CELF2: variants seen among roughly 807,000 people sequenced by gnomAD.
CELF2 encodes CUGBP Elav-like family member 2, also known as CUG triplet repeat RNA-binding protein 2.
In CELF2, 8 loss-of-function variants were observed where a neutral mutation model predicts 62.6. That is an observed-to-expected ratio of 0.13 (90% CI 0.07 to 0.23). The LOEUF (loss-of-function observed/expected upper bound fraction) is 0.23. CELF2 is among the 10% of genes least tolerant of loss of function. The pLI, the probability that CELF2 is intolerant of heterozygous loss-of-function variation, is 1.00. For missense variants in CELF2, 333 were observed against 671.0 expected, an observed-to-expected ratio of 0.50 and a Z score of 5.56; for synonymous variants, 258 against 250.0, an observed-to-expected ratio of 1.03 and a Z score of -0.30.
intron 1 of CELF2, among the ~76,000 whole-genome samples, chr10:11,076,636 C>T (rs562326392): frequency 1.3e-5 from 2 of 152,292 alleles, no homozygotes; most frequent in South Asian, 4.1e-4. Flanking sequence ...TAAAAGAATG[C>T]TGGCTCTAGG....
At chr10:11,286,455 G>C (rs1382012709) in intron 8 of CELF2, among the ~76,000 whole-genome samples, 1 of 152,244 alleles carries the variant, frequency 6.6e-6, no homozygotes, top group African/African-American at 2.4e-5. Flanking sequence ...GGACAGACCT[G>C]CGTGAATGTA....
At chr10:10,977,001 C>T (rs532420765) in intron 2 of CELF2, among the ~76,000 whole-genome samples, 35 of 149,906 alleles carry the variant, frequency 2.3e-4, no homozygotes, top group Non-Finnish European at 4.7e-4. Flanking sequence ...ATGACTGTGT[C>T]CCAGAAAGAA....
chr10:10,888,311 C>T (rs900579168), intron 1 of CELF2, among the ~76,000 whole-genome samples: 1 of 152,112 alleles, frequency 6.6e-6, no homozygotes, highest in Non-Finnish European at 1.5e-5. Context: ...TAATCGTGCA[C>T]GCAGGGTGGG....
Position 11,269,811 on chromosome 10 carries a change from C to A in CELF2, c.619-855C>A, listed in dbSNP as rs754372681. 6.6e-6 allele frequency among the ~76,000 whole-genome samples: 1 copy of A among 152,136 alleles called. No homozygotes were observed. Among genetic ancestry groups the A allele is most frequent in the Non-Finnish European group, 1.5e-5 (1 of 68,032 alleles). On this transcript the variant is annotated intron_variant, in intron 6 of 12. Coordinates refer to ENST00000633077, the MANE Select transcript of CELF2 (RefSeq NM_001326342.2). This position sits in a 1 kb window ranked among gnomAD's most constrained non-coding sequence, Gnocchi z 4.4. ...TCTAGCTCAGTAGTGAATTCTGTGA[C>A]CTTTAGCCATTTCTTTCTCACTACC...
intron 2 of CELF2, among the ~76,000 whole-genome samples, chr10:10,956,557 C>A (rs1329777510): frequency 6.6e-6 from 1 of 152,214 alleles, no homozygotes; most frequent in African/African-American, 2.4e-5. Context: ...AACTTCTCTA[C>A]CATAGTGTTA....
At chr10:10,592,929 G>T in the CELF2 span, among the ~76,000 whole-genome samples, 1 of 152,130 alleles carries the variant, frequency 6.6e-6, no homozygotes, top group African/African-American at 2.4e-5. Flanking sequence ...CTAACCCCAC[G>T]TGAAGGGCCA....
chr10:10,754,771 G>A, the CELF2 span, among the ~76,000 whole-genome samples: 1 of 152,018 alleles, frequency 6.6e-6, no homozygotes. Context: ...TGAATTCTAC[G>A]TGTTCTCTGA....
the CELF2 span, among the ~76,000 whole-genome samples, chr10:10,727,547 C>G: frequency 6.6e-6 from 1 of 151,936 alleles, no homozygotes; most frequent in Non-Finnish European, 1.5e-5. Context: ...GAGGCCGAGG[C>G]GGGTGGATCA....
chr10:11,137,922 T>A (rs2060697306), intron 1 of CELF2, among the ~76,000 whole-genome samples: 1 of 152,242 alleles, frequency 6.6e-6, no homozygotes, highest in Admixed American at 6.5e-5. Context: ...GTACGTTGTT[T>A]AGTCATTCAT....
Position 11,331,560 on chromosome 10 carries a change from A to T in CELF2, c.*2507A>T, listed in dbSNP as rs2096021009. 1 of 152,354 alleles carries T rather than the reference A, an allele frequency of 6.6e-6. No homozygotes were observed. Among genetic ancestry groups the T allele is most frequent in the South Asian group, 2.1e-4 (1 of 4,834 alleles). 9.4% of individuals were successfully genotyped at this position (152,354 alleles called of 1,614,324 possible). On this transcript the variant is annotated 3_prime_UTR_variant, in exon 13 of 13. Coordinates refer to ENST00000633077, the MANE Select transcript of CELF2 (RefSeq NM_001326342.2). Reference sequence around the variant, plus strand: ...TGTTTCTTGTGAGAAGTAATTTGATAACATGGGTATTTTATTATGTGTTTT... The same window carrying T: ...TGTTTCTTGTGAGAAGTAATTTGATTACATGGGTATTTTATTATGTGTTTT...
the CELF2 span, among the ~76,000 whole-genome samples, chr10:10,550,455 G>T: frequency 6.6e-6 from 1 of 152,178 alleles, no homozygotes; most frequent in East Asian, 1.9e-4. Flanking sequence ...ATCCTGGATG[G>T]CATAGGCTTT....
intron 1 of CELF2, among the ~76,000 whole-genome samples, chr10:10,836,274 AAAG>A (rs142203629): frequency 0.065 from 9,926 of 152,196 alleles, 446 homozygotes; most frequent in East Asian, 0.21. Flanking sequence ...GTGGAGAGAG[AAAG>A]AAGAACCAGC....
the CELF2 span, among the ~76,000 whole-genome samples, chr10:10,555,204 G>C: frequency 6.6e-6 from 1 of 151,888 alleles, no homozygotes. Context: ...TGAACAATTA[G>C]GCAACCAAGA....
At chr10:11,072,701 C>T (rs2070496159) in intron 1 of CELF2, among the ~76,000 whole-genome samples, 1 of 152,194 alleles carries the variant, frequency 6.6e-6, no homozygotes. Flanking sequence ...TCTCCCATCC[C>T]TGTGGAGTCT....
chr10:10,683,625 G>A, the CELF2 span, among the ~76,000 whole-genome samples: 3 of 152,186 alleles, frequency 2.0e-5, no homozygotes, highest in Non-Finnish European at 2.9e-5. Context: ...CTTGTTAGGT[G>A]ACATATGGCG....
intron 1 of CELF2, chr10:11,105,326 G>A (rs1169328726): frequency 6.6e-6 from 1 of 152,190 alleles, no homozygotes; most frequent in Non-Finnish European, 1.5e-5. Context: ...TCATCAGTTT[G>A]TTTAGTTTCC....
chr10:10,573,973 A>G, the CELF2 span, among the ~76,000 whole-genome samples: 3 of 152,274 alleles, frequency 2.0e-5, no homozygotes, highest in South Asian at 2.1e-4. Context: ...TTCTGGTTTA[A>G]AAAAAATTGT....
At chr10:10,621,712 A>G in the CELF2 span, among the ~76,000 whole-genome samples, 1 of 152,226 alleles carries the variant, frequency 6.6e-6, no homozygotes, top group South Asian at 2.1e-4. Flanking sequence ...AACTCTGCCA[A>G]TAATCTGAAG....
At chr10:10,959,714 G>C (rs1026434001) in intron 2 of CELF2, among the ~76,000 whole-genome samples, 1 of 152,162 alleles carries the variant, frequency 6.6e-6, no homozygotes, top group African/African-American at 2.4e-5. Context: ...TTCTGCAGAA[G>C]GTGCTGTCAC....
Sources: gnomAD v4.1 joint callset for allele counts (sites outside exome capture counted in the v4.1 genomes callset) on GRCh38, gnomAD v4.1.1 for gene constraint, Gnocchi (gnomAD v3.1) non-coding constraint, MANE v1.5 for transcripts, NCBI Gene and HGNC (gene_info 2026-07-23, HGNC 2026-07-21) for gene names.